CSNK1G3: variants seen among roughly 807,000 people sequenced by gnomAD.
CSNK1G3 encodes casein kinase 1 gamma 3.
CSNK1G3 carries 23 observed loss-of-function variants against 64.3 expected under a neutral mutation model. The ratio of observed to expected loss-of-function variants is 0.36; its 90% CI spans 0.26 to 0.51. The LOEUF is 0.51. CSNK1G3 is among the 20% of genes least tolerant of loss of function. The pLI is 0.96. For synonymous variants in CSNK1G3, 158 were observed against 162.2 expected, an observed-to-expected ratio of 0.97 and a Z score of 0.20; for missense variants, 357 against 510.5, an observed-to-expected ratio of 0.70 and a Z score of 2.90.
chr5:123,570,671 G>A (rs901264889), intron 4 of CSNK1G3, among the ~76,000 whole-genome samples: 4 of 152,078 alleles, frequency 2.6e-5, no homozygotes, highest in Admixed American at 6.6e-5. Flanking sequence ...TCCTTTCATT[G>A]AAGAAGTTCA....
At chr5:123,578,380 A>T (rs1789581635) in intron 6 of CSNK1G3, among the ~76,000 whole-genome samples, 1 of 151,718 alleles carries the variant, frequency 6.6e-6, no homozygotes, top group African/African-American at 2.4e-5. Context: ...GTAGTCTTTT[A>T]ATTCCTTGTG....
chr5:123,583,747 A>G (rs1429313377), intron 6 of CSNK1G3, among the ~76,000 whole-genome samples: 1 of 151,760 alleles, frequency 6.6e-6, no homozygotes, highest in African/African-American at 2.4e-5. Flanking sequence ...TGGTGCAACC[A>G]TGGCTCCCTG....
chr5:123,584,570 T>C (rs1047000775), intron 6 of CSNK1G3, among the ~76,000 whole-genome samples: 4 of 152,178 alleles, frequency 2.6e-5, no homozygotes, highest in African/African-American at 4.8e-5. Flanking sequence ...ATATTTCTTA[T>C]AGTTTCCTTT....
rs74985225 is a variant in CSNK1G3 at position 123,566,973 on chromosome 5, A to G, written c.290-6420A>G. ...ATTCGTCCGTTTTCTTGCTGCTGAT[A>G]AATTGCCCTGAGGCGGGGCAATTTA... On this transcript the variant is annotated intron_variant, in intron 4 of 12. Transcript: ENST00000345990. 7.9e-3 allele frequency among the ~76,000 whole-genome samples: 1,199 copies of G among 152,310 alleles called. 19 individuals are homozygous for G. The highest frequency in any genetic ancestry group is 0.027 in the African/African-American group (1,143 of 41,570).
At chr5:123,609,678 G>A (rs1025756776) in intron 12 of CSNK1G3, among the ~76,000 whole-genome samples, 1 of 152,152 alleles carries the variant, frequency 6.6e-6, no homozygotes, top group Non-Finnish European at 1.5e-5. Context: ...AAGATACTGA[G>A]GTAAGAAATC....
chr5:123,598,012 G>C (rs1235059062), intron 10 of CSNK1G3, among the ~76,000 whole-genome samples: 1 of 152,126 alleles, frequency 6.6e-6, no homozygotes, highest in Non-Finnish European at 1.5e-5. Context: ...AGAAAGCATT[G>C]ATGAATGGGA....
At chr5:123,547,062 C>T (rs1395952847) in intron 2 of CSNK1G3, among the ~76,000 whole-genome samples, 1 of 152,050 alleles carries the variant, frequency 6.6e-6, no homozygotes, top group Non-Finnish European at 1.5e-5. Context: ...TGTTTATAAT[C>T]TGTTATTATT....
intron 12 of CSNK1G3, among the ~76,000 whole-genome samples, chr5:123,609,904 G>T (rs1457695278): frequency 2.1e-5 from 1 of 48,366 alleles, no homozygotes; most frequent in Non-Finnish European, 3.4e-5. Flanking sequence ...AGAGGAAAAG[G>T]GCATGGCATA....
chr5:123,600,690 T>C (rs1230661730), intron 10 of CSNK1G3, among the ~76,000 whole-genome samples: 3 of 152,046 alleles, frequency 2.0e-5, no homozygotes, highest in Non-Finnish European at 4.4e-5. Context: ...ATGAATTCAT[T>C]ATATTTGGAA....
intron 6 of CSNK1G3, among the ~76,000 whole-genome samples, chr5:123,585,208 G>A (rs551846987): frequency 2.0e-4 from 30 of 152,070 alleles, no homozygotes; most frequent in African/African-American, 7.0e-4. Context: ...AGCAACTCGA[G>A]GGGAAAGGAT....
intron 4 of CSNK1G3, among the ~76,000 whole-genome samples, chr5:123,563,562 G>A (rs2150516011): frequency 6.6e-6 from 1 of 152,134 alleles, no homozygotes; most frequent in Non-Finnish European, 1.5e-5. Flanking sequence ...CTGGTTAAAT[G>A]AACGTTGGTG....
At chr5:123,536,425 CTTT>C (rs3064349) in intron 1 of CSNK1G3, among the ~76,000 whole-genome samples, 1 of 134,564 alleles carries the variant, frequency 7.4e-6, no homozygotes. Flanking sequence ...ATATGAAGGG[CTTT>C]TTTTTTTTTT....
intron 4 of CSNK1G3, among the ~76,000 whole-genome samples, chr5:123,566,581 G>A (rs1454955882): frequency 6.6e-6 from 1 of 151,936 alleles, no homozygotes; most frequent in African/African-American, 2.4e-5. Context: ...ACGTTGCTCT[G>A]GTGGTTTTGG....
At chr5:123,593,202 T>TACACACACACACAC (rs1554081831) in intron 10 of CSNK1G3, among the ~76,000 whole-genome samples, 2 of 146,848 alleles carry the variant, frequency 1.4e-5, no homozygotes, top group African/African-American at 5.0e-5. Flanking sequence ...TGTGTATATA[T>TACACACACACACAC]ACACACACAC....
intron 1 of CSNK1G3, among the ~76,000 whole-genome samples, chr5:123,542,556 C>G (rs1321882945): frequency 6.6e-6 from 1 of 152,114 alleles, no homozygotes; most frequent in Admixed American, 6.6e-5. Context: ...TAATTCTTAG[C>G]TTCCCTTCAT....
intron 6 of CSNK1G3, among the ~76,000 whole-genome samples, chr5:123,580,137 A>T (rs193076056): frequency 6.6e-6 from 1 of 151,890 alleles, no homozygotes; most frequent in African/African-American, 2.4e-5. Flanking sequence ...ATTTGTGCGT[A>T]TCTTATTTCT....
At chr5:123,522,358 C>T (rs1216696394) in intron 1 of CSNK1G3, among the ~76,000 whole-genome samples, 2 of 151,972 alleles carry the variant, frequency 1.3e-5, no homozygotes, top group African/African-American at 2.4e-5. Flanking sequence ...AAAAAATTAG[C>T]GGGGCGTGGT....
rs929941969 is a variant in CSNK1G3, at chr5:123,572,338, A to T, written c.290-1055A>T. The stretch of plus-strand genomic sequence containing the variant: ...GTTTATTGGGAGTCTGTTAGTTCTG[A>T]AAATAAAATACAGATGACTTCATAT... On this transcript the variant is annotated intron_variant, in intron 4 of 12. Transcript: ENST00000345990. Among the ~76,000 whole-genome samples, 3 of 152,178 alleles carry T rather than the reference A, an allele frequency of 2.0e-5. No homozygotes were observed. The East Asian group carries it at 5.8e-4, about 29-fold the overall frequency.
exon 8 of CSNK1G3, chr5:123,588,441 G>A: frequency 6.2e-7 from 1 of 1,611,516 alleles, no homozygotes; most frequent in African/African-American, 1.3e-5. Flanking sequence ...ACACATTAAA[G>A]GAGAGGTATC....
Sources: gnomAD v4.1 joint callset for allele counts (sites outside exome capture counted in the v4.1 genomes callset) on GRCh38, gnomAD v4.1.1 for gene constraint, MANE v1.5 for transcripts, NCBI Gene and HGNC (gene_info 2026-07-23, HGNC 2026-07-21) for gene names.